AGL: variants seen among roughly 807,000 people sequenced by gnomAD.
The protein encoded by AGL is glycogen debranching enzyme.
AGL carries 128 observed loss-of-function variants against 199.3 expected under a neutral mutation model. The observed-to-expected ratio is 0.64, with a 90% confidence interval of 0.56 to 0.74. The LOEUF is 0.74. Ranked by LOEUF, AGL falls within the 30% of genes least tolerant of loss-of-function variation. AGL has a pLI of 0.00. For synonymous variants in AGL, 584 were observed against 594.7 expected, an observed-to-expected ratio of 0.98 and a Z score of 0.26; for missense variants, 1,809 against 1,820.8, an observed-to-expected ratio of 0.99 and a Z score of 0.12.
chr1:99,874,961 C>T, intron 8 of AGL, 151 bp downstream of exon 8: 1 of 1,162,932 alleles, frequency 8.6e-7, no homozygotes, highest in Non-Finnish European at 1.2e-6. Flanking sequence ...ATGACATTTT[C>T]CCACTTTTTC....
intron 6 of AGL, 54 bp from the exon 7 acceptor site, chr1:99,870,704 G>A: frequency 2.1e-6 from 3 of 1,423,646 alleles, no homozygotes; most frequent in South Asian, 1.2e-5. Context: ...TTGCTTAACT[G>A]ATTTTAAATA....
intron 13 of AGL, among the ~76,000 whole-genome samples, 177 bp from the exon 14 acceptor site, chr1:99,880,455 T>A (rs1192548840): frequency 6.6e-6 from 1 of 152,222 alleles, no homozygotes; most frequent in African/African-American, 2.4e-5. Context: ...AGTTAAGTTA[T>A]GGGGAAAACT....
Position 99,891,246 on chromosome 1 carries a change from A to C in AGL, c.2839A>C (p.Arg947=). The C allele has an allele frequency of 6.2e-7, 1 of 1,613,702 alleles. No individual in the cohort carries two copies. The part of the protein sequence containing the change: ...QGLMSVLAEI[R]PKNDLGHPFC... ...TTTAATGTCTGTATTGGCAGAAATA[A>C]GACCAAAGAATGACTTGGGGCATCC... The change falls in exon 22 of 34, where the codon AGA becomes CGA. Residue 947 remains arginine (R), a synonymous_variant. Transcript: ENST00000361915.
chr1:99,876,117 C>T (rs1651512401), intron 10 of AGL, among the ~76,000 whole-genome samples: 1 of 152,144 alleles, frequency 6.6e-6, no homozygotes, highest in Non-Finnish European at 1.5e-5. Flanking sequence ...TCAGGTAATC[C>T]CCCTGCCTCG....
At chr1:99,879,781 T>C in intron 12 of AGL, 142 bp from the exon 13 acceptor site, 1 of 692,368 alleles carries the variant, frequency 1.4e-6, no homozygotes, top group Non-Finnish European at 2.6e-6. Flanking sequence ...CTCTTGTTTC[T>C]ATGTGTTTTG....
chr1:99,897,047 C>A (rs562640157), intron 25 of AGL, among the ~76,000 whole-genome samples: 1 of 152,286 alleles, frequency 6.6e-6, no homozygotes, highest in Admixed American at 6.5e-5. Flanking sequence ...GAACTCCCGA[C>A]CTTGTGATTT....
chr1:99,893,899 G>A (rs1653100614), intron 24 of AGL, among the ~76,000 whole-genome samples: 1 of 152,012 alleles, frequency 6.6e-6, no homozygotes, highest in African/African-American at 2.4e-5. Flanking sequence ...TGCAACAACA[G>A]CAATTAAAAA....
At chr1:99,874,036 CT>C (rs1338538781) in intron 7 of AGL, among the ~76,000 whole-genome samples, 2 of 152,052 alleles carry the variant, frequency 1.3e-5, no homozygotes, top group East Asian at 1.9e-4. Flanking sequence ...CATTTATTTC[CT>C]TTTTAATTTT....
chr1:99,867,659 G>T (rs925662535), intron 5 of AGL, among the ~76,000 whole-genome samples: 1 of 151,610 alleles, frequency 6.6e-6, no homozygotes, highest in Non-Finnish European at 1.5e-5. Flanking sequence ...GGGTTCAAGC[G>T]ATTCTTGTGC....
At chr1:99,851,575 ATTG>A (rs1012769875) in intron 2 of AGL, among the ~76,000 whole-genome samples, 1 of 152,220 alleles carries the variant, frequency 6.6e-6, no homozygotes, top group Non-Finnish European at 1.5e-5. Flanking sequence ...ATAGTAAACT[ATTG>A]TTTATGTATA....
rs147375385 is a variant in AGL, at chr1:99,892,590, G to C, written c.3242G>C (p.Cys1081Ser). The C allele has an allele frequency of 3.1e-6, 5 of 1,613,450 alleles. No individual in the cohort carries two copies. Among genetic ancestry groups the C allele is most frequent in the Non-Finnish European group, 2.5e-6 (3 of 1,179,602 alleles). Reference protein sequence around the residue: ...NEITKEKEQCCVSLAAGLPHF... With the variant: ...NEITKEKEQCSVSLAAGLPHF... ...ATCACAAAAGAAAAGGAGCAATGTT[G>C]TGTTTCTCTAGCTGCAGGTAAGGAA... Residue 1081 changes from cysteine (C) to serine (S), a missense_variant, in exon 24 of 34, where the codon TGT becomes TCT. Cys to Ser is a moderately radical substitution (Grantham distance 112). Coordinates refer to ENST00000361915, the MANE Select transcript of AGL (RefSeq NM_000642.3).
rs1652723996 is a variant in AGL at position 99,889,602 on chromosome 1, T to G, written c.2812+1494T>G. On this transcript the variant is annotated intron_variant, in intron 21 of 33. Transcript: ENST00000361915. ...CAAAAAATAAATAAATTTATTTATT[T>G]AATTAATTTTTAAAAGATGTATGTA... Among the ~76,000 whole-genome samples the G allele has an allele frequency of 1.3e-5, 2 of 152,090 alleles. 1 individual carries two copies. The highest frequency in any genetic ancestry group is 4.1e-4 in the South Asian group (2 of 4,834).
At position 99,880,684 on chromosome 1, in the gene AGL, T is replaced by G. The variant is rs777871903; in HGVS notation, c.1788T>G (p.Tyr596Ter). The change falls in exon 14 of 34, where the codon TAT (tyrosine) becomes TAG (stop). Residue 596 changes from tyrosine to a stop codon, truncating the protein, a stop_gained. Coordinates refer to ENST00000361915, the MANE Select transcript of AGL (RefSeq NM_000642.3). LOFTEE classifies it high-confidence loss of function. The stretch of plus-strand genomic sequence containing the variant: ...AAGAGGGCAGATTAGTTTACCGATA[T>G]GGAGGAGAACCTGTTGGATCCTTTG... ...SHEEGRLVYR[Y>*]GGEPVGSFVQ... The G allele has an allele frequency of 6.2e-7, 1 of 1,614,076 alleles. No individual in the cohort carries two copies. The highest frequency in any genetic ancestry group is 8.5e-7 in the Non-Finnish European group (1 of 1,179,932).
chr1:99,883,095 CGTTCT>C (rs1652182231), intron 17 of AGL, among the ~76,000 whole-genome samples: 1 of 152,040 alleles, frequency 6.6e-6, no homozygotes, highest in Non-Finnish European at 1.5e-5. Context: ...AATGTTCGTA[CGTTCT>C]GTTATTATGC....
At position 99,920,003 on chromosome 1, in the gene AGL, ATG is replaced by A. The variant is rs961065741; in HGVS notation, c.4482-1530_4482-1529del. Reference sequence around the variant, plus strand: ...CTCTGTCCCACCTAATGACTTCAGGATGAATTTTTCAGGAAAGCAAGGGAAAG... The same window carrying A: ...CTCTGTCCCACCTAATGACTTCAGGAAATTTTTCAGGAAAGCAAGGGAAAG... On this transcript the variant is annotated intron_variant, in intron 33 of 33. Coordinates refer to ENST00000361915, the MANE Select transcript of AGL (RefSeq NM_000642.3). Among the ~76,000 whole-genome samples, 19 of 152,302 alleles carry A rather than the reference ATG, an allele frequency of 1.2e-4. No individual in the cohort carries two copies. In the East Asian group the frequency reaches 3.7e-3, roughly 29 times the overall value.
chr1:99,915,199 C>T, intron 30 of AGL, among the ~76,000 whole-genome samples, 190 bp from the exon 31 acceptor site: 1 of 152,184 alleles, frequency 6.6e-6, no homozygotes, highest in Non-Finnish European at 1.5e-5. Context: ...GCTTTCCTAA[C>T]TTCTACGGCC....
intron 31 of AGL, 99 bp from the exon 32 acceptor site, chr1:99,916,311 T>C (rs1355117918): frequency 2.1e-6 from 2 of 948,068 alleles, no homozygotes; most frequent in African/African-American, 3.3e-5. Context: ...GACAAAATAA[T>C]TGATTATTTC....
intron 5 of AGL, among the ~76,000 whole-genome samples, chr1:99,866,040 G>T (rs1650478996): frequency 6.6e-6 from 1 of 152,096 alleles, no homozygotes; most frequent in African/African-American, 2.4e-5. Context: ...GGCTGAAGTG[G>T]GAGGATGACT....
At position 99,874,776 on chromosome 1, in the gene AGL, A is replaced by G; in HGVS notation, c.1048A>G (p.Met350Val). The G allele has an allele frequency of 1.2e-6, 2 of 1,608,980 alleles. No individual in the cohort carries two copies. The highest frequency in any genetic ancestry group is 1.7e-6 in the Non-Finnish European group (2 of 1,177,104). Residue 350 changes from methionine (M) to valine (V), a missense_variant, in exon 8 of 34, where the codon ATG becomes GTG. By Grantham distance (21) the Met-to-Val change is conservative. Coordinates refer to ENST00000361915, the MANE Select transcript of AGL (RefSeq NM_000642.3). ...CAGACGGTTTGGCTGTACTGTAGAT[A>G]TGAACATTGCACTAACGACTTTCAT... ...EYRRFGCTVD[M>V]NIALTTFIPH... is the part of the protein sequence containing the mutation.
Sources: gnomAD v4.1 joint callset for allele counts (sites outside exome capture counted in the v4.1 genomes callset) on GRCh38, gnomAD v4.1.1 for gene constraint, MANE v1.5 for transcripts, NCBI Gene and HGNC (gene_info 2026-07-23, HGNC 2026-07-21) for gene names.